RAD17: variants seen among roughly 807,000 people sequenced by gnomAD.
The protein encoded by RAD17 is RAD17 checkpoint clamp loader component.
RAD17 carries 31 observed loss-of-function variants against 81.5 expected under a neutral mutation model. The ratio of observed to expected loss-of-function variants is 0.38; its 90% CI spans 0.29 to 0.51. The LOEUF is 0.51. Among genes scored for constraint, RAD17 ranks in the 20% least tolerant of loss-of-function variants. The pLI, the probability that RAD17 is intolerant of heterozygous loss-of-function variation, is 0.88. For missense variants in RAD17, 681 were observed against 781.2 expected (o/e 0.87, Z 1.53); for synonymous variants, 261 against 266.2 (o/e 0.98, Z 0.19).
chr5:69,403,761 A>G (rs1271752062), intron 17 of RAD17, among the ~76,000 whole-genome samples: 1 of 152,100 alleles, frequency 6.6e-6, no homozygotes, highest in East Asian at 1.9e-4. Context: ...CTCTACAAAA[A>G]AATTTAAAAA....
intron 16 of RAD17, among the ~76,000 whole-genome samples, chr5:69,398,115 T>G: frequency 7.1e-6 from 1 of 140,266 alleles, no homozygotes; most frequent in East Asian, 2.0e-4. Context: ...AGACTCCATC[T>G]AAAAAAAAAA....
rs756921229 is a variant in RAD17 at position 69,381,950 on chromosome 5, C to T, written c.401C>T (p.Thr134Met). 6.8e-6 allele frequency: 11 copies of T among 1,606,456 alleles called. No individual in the cohort carries two copies. The highest frequency in any genetic ancestry group is 2.2e-5 in the South Asian group (2 of 90,622). The part of the protein sequence containing the change: ...ITGPPGCGKT[T>M]TLKILSKEHG... The stretch of plus-strand genomic sequence containing the variant: ...GGTCCTCCTGGATGTGGAAAGACAA[C>T]GACCTTAAAAATACTATCAAAGGAG... Residue 134 changes from threonine (T) to methionine (M), a missense_variant, in exon 7 of 19, where the codon ACG becomes ATG. Thr to Met is a moderately conservative substitution (Grantham distance 81). Coordinates refer to ENST00000354868, the MANE Select transcript of RAD17 (RefSeq NM_133338.3).
intron 16 of RAD17, 95 bp from the exon 17 acceptor site, chr5:69,399,951 CTTA>C: frequency 4.0e-6 from 3 of 745,628 alleles, no homozygotes; most frequent in Non-Finnish European, 5.9e-6. Flanking sequence ...TTAATATAAA[CTTA>C]TTGTGTAAGT....
rs368817678 is a variant in RAD17 at position 69,382,191 on chromosome 5, G to T, written c.508+134G>T. The T allele has an allele frequency of 7.9e-6, 8 of 1,013,446 alleles. No homozygotes were observed. The South Asian group carries it at 9.1e-5, about 12-fold the overall frequency. 62.8% of individuals were successfully genotyped at this position (1,013,446 alleles called of 1,614,324 possible). ...AGGGATGGAATTTCACAGGCCAGGT[G>T]CGATGGCTGTCACATGGGAGGCTGA... On this transcript the variant is annotated intron_variant, in intron 7 of 18. Coordinates refer to ENST00000354868, the MANE Select transcript of RAD17 (RefSeq NM_133338.3).
intron 7 of RAD17, 141 bp from the exon 8 acceptor site, chr5:69,384,656 A>T: frequency 1.3e-6 from 1 of 792,786 alleles, no homozygotes; most frequent in Non-Finnish European, 1.8e-6. Flanking sequence ...ATCCTATTTT[A>T]AATTTAAATG....
chr5:69,374,312 G>A (rs1763204632), intron 5 of RAD17, among the ~76,000 whole-genome samples: 1 of 152,174 alleles, frequency 6.6e-6, no homozygotes, highest in Admixed American at 6.5e-5. Flanking sequence ...TCCCAACATA[G>A]AATTGATCTT....
chr5:69,379,524 T>G (rs1055794243), intron 6 of RAD17, among the ~76,000 whole-genome samples: 6 of 152,190 alleles, frequency 3.9e-5, no homozygotes, highest in Non-Finnish European at 8.8e-5. Flanking sequence ...TTATGTAGCT[T>G]TTTTACTTTA....
rs374503289 is a variant in RAD17 at position 69,387,940 on chromosome 5, C to T, written c.895-1094C>T. ...ACTCAGAAGCCTGAGACAGGATGAT[C>T]GCTGGAGCCTAGGAGTTTGAGGCTG... On this transcript the variant is annotated intron_variant, in intron 11 of 18. Coordinates refer to ENST00000354868, the MANE Select transcript of RAD17 (RefSeq NM_133338.3). 5.6e-4 allele frequency among the ~76,000 whole-genome samples: 86 copies of T among 152,270 alleles called. 1 individual carries two copies. The highest frequency in any genetic ancestry group is 1.8e-3 in the African/African-American group (75 of 41,560).
In RAD17 at chr5:69,414,266, G is replaced by A. The variant is rs1459347027; in HGVS notation, c.1987G>A (p.Glu663Lys). The stretch of plus-strand genomic sequence containing the variant: ...AGACATGGAAGAAAACATAATAATA[G>A]AAGACTACGAGAGTGATGGGACATA... ...QGDMEENIII[E>K]DYESDGT The change falls in exon 19 of 19, where the codon GAA (glutamate) becomes AAA (lysine). Residue 663 changes from glutamate (E) to lysine (K), a missense_variant. Physicochemically the swap from Glu to Lys is moderately conservative, Grantham distance 56. Transcript: ENST00000354868. 6.2e-7 allele frequency: 1 copy of A among 1,614,120 alleles called. No individual in the cohort carries two copies. The highest frequency in any genetic ancestry group is 8.5e-7 in the Non-Finnish European group (1 of 1,179,970).
intron 18 of RAD17, among the ~76,000 whole-genome samples, chr5:69,413,152 T>C (rs1766116876): frequency 6.6e-6 from 1 of 151,798 alleles, no homozygotes; most frequent in Admixed American, 6.6e-5. Context: ...AAAAATTCTT[T>C]ACTGAAGGCT....
chr5:69,404,531 G>T (rs747856978), intron 17 of RAD17, among the ~76,000 whole-genome samples: 1 of 151,986 alleles, frequency 6.6e-6, no homozygotes, highest in Non-Finnish European at 1.5e-5. Context: ...ACTTTGGTTG[G>T]CCGAGGTGGG....
chr5:69,383,995 G>A (rs7447816), intron 7 of RAD17: 75,685 of 151,668 alleles, frequency 0.5, 18,898 homozygotes, highest in South Asian at 0.54. Flanking sequence ...GAGAAACCCC[G>A]TCTCTACTAA....
chr5:69,381,141 T>A (rs1163321018), intron 6 of RAD17, among the ~76,000 whole-genome samples: 2 of 152,162 alleles, frequency 1.3e-5, no homozygotes, highest in African/African-American at 4.8e-5. Context: ...AAGAATATTG[T>A]ATTTGTATAA....
chr5:69,374,626 A>G lies in RAD17; in HGVS notation c.268-2A>G. ...GTTTTAAATTTGAAATTTTTGTTGT[A>G]GCATGAACTTGCTGTGCATAAAAAG... On this transcript the variant is annotated splice_acceptor_variant, in intron 5 of 18. Transcript: ENST00000354868. LOFTEE classifies it high-confidence loss of function. 1 of 1,604,742 alleles carries G rather than the reference A, an allele frequency of 6.2e-7. No homozygotes were observed. Among genetic ancestry groups the G allele is most frequent in the Non-Finnish European group, 8.5e-7 (1 of 1,177,180 alleles).
chr5:69,412,976 G>C (rs934102022), intron 18 of RAD17, among the ~76,000 whole-genome samples: 16 of 69,746 alleles, frequency 2.3e-4, no homozygotes, highest in Non-Finnish European at 5.8e-4. Context: ...GACAGAGCAA[G>C]ACTGTCTCAA....
Position 69,371,204 on chromosome 5 carries a change from T to G in RAD17, c.-280+33T>G, listed in dbSNP as rs567188311. 528 of 516,174 alleles carry G rather than the reference T, an allele frequency of 1.0e-3. 8 individuals carry two copies. Among genetic ancestry groups the G allele is most frequent in the South Asian group, 8.1e-3 (495 of 60,864 alleles). 32.0% of individuals were successfully genotyped at this position (516,174 alleles called of 1,614,324 possible). A position where few individuals can be genotyped will look rare whatever the true frequency, so the allele number is the denominator to read the frequency against. ...CATAGTATGTGTGGTTTTTTTGTTT[T>G]TTTTTTTCTAATACATCATTGAGTT... On this transcript the variant is annotated intron_variant, in intron 2 of 18. Transcript: ENST00000354868.
upstream of RAD17, chr5:69,369,424 C>G: frequency 1.2e-6 from 2 of 1,603,958 alleles, no homozygotes; most frequent in Non-Finnish European, 1.7e-6. Context: ...GCGCCCCCAG[C>G]CTGCCCCAGC....
chr5:69,391,762 C>A lies in RAD17; in HGVS notation c.1007-69C>A. 3 of 1,164,262 alleles carry A rather than the reference C, an allele frequency of 2.6e-6. No homozygotes were observed. In the African/African-American group the frequency reaches 4.9e-5, roughly 19 times the overall value. 72.1% of individuals were successfully genotyped at this position (1,164,262 alleles called of 1,614,324 possible). ...ATTAGAATATTTAGTGTAACTATAT[C>A]TGAAGTGTTCTTAGTTTTAATTTTC... is the stretch of plus-strand genomic sequence containing the variant. On this transcript the variant is annotated intron_variant, in intron 12 of 18. Coordinates refer to ENST00000354868, the MANE Select transcript of RAD17 (RefSeq NM_133338.3).
At chr5:69,390,772 T>C (rs1580397414) in intron 12 of RAD17, among the ~76,000 whole-genome samples, 1 of 149,308 alleles carries the variant, frequency 6.7e-6, no homozygotes, top group African/African-American at 2.5e-5. Flanking sequence ...CTGGGCAACA[T>C]AGCGAGGCCT....
Sources: gnomAD v4.1 joint callset for allele counts (sites outside exome capture counted in the v4.1 genomes callset) on GRCh38, gnomAD v4.1.1 for gene constraint, MANE v1.5 for transcripts, NCBI Gene and HGNC (gene_info 2026-07-23, HGNC 2026-07-21) for gene names.